Variants in KLHL29 observed in about 807,000 individuals in gnomAD.
The protein encoded by KLHL29 is kelch-like protein 29.
A neutral mutation model predicts 80.4 loss-of-function variants in KLHL29; 21 were observed. The observed-to-expected ratio is 0.26, with a 90% CI of 0.19 to 0.38. The LOEUF (loss-of-function observed/expected upper bound fraction) is 0.38. Among genes scored for constraint, KLHL29 ranks in the 10% least tolerant of loss-of-function variants. The pLI is 1.00. For missense variants in KLHL29, 867 were observed against 1,223.9 expected, an observed-to-expected ratio of 0.71 and a Z score of 4.35; for synonymous variants, 511 against 526.8, an observed-to-expected ratio of 0.97 and a Z score of 0.41.
intron 2 of KLHL29, among the ~76,000 whole-genome samples, chr2:23,531,097 G>A (rs1351170687): frequency 6.6e-6 from 1 of 152,256 alleles, no homozygotes; most frequent in South Asian, 2.1e-4. Flanking sequence ...GAGGTAGAGG[G>A]GGTAAGCTGG....
chr2:23,651,205 A>G (rs1292607222), intron 5 of KLHL29, among the ~76,000 whole-genome samples: 1 of 152,210 alleles, frequency 6.6e-6, no homozygotes, highest in Non-Finnish European at 1.5e-5. Flanking sequence ...AAAAGAATAT[A>G]TGTTTATATT....
At chr2:23,623,056 G>A (rs1303692011) in intron 3 of KLHL29, among the ~76,000 whole-genome samples, 19 of 152,150 alleles carry the variant, frequency 1.2e-4, no homozygotes, top group Non-Finnish European at 1.3e-4. Context: ...GCTTCTGCAC[G>A]GTGACATGAG....
chr2:23,541,799 G>A (rs2103484003), intron 2 of KLHL29, among the ~76,000 whole-genome samples: 1 of 144,076 alleles, frequency 6.9e-6, no homozygotes, highest in South Asian at 2.1e-4. Context: ...TAAAACTGGT[G>A]CTCCCAGTGG....
chr2:23,611,977 C>T (rs76799859), intron 3 of KLHL29, among the ~76,000 whole-genome samples: 18 of 150,494 alleles, frequency 1.2e-4, no homozygotes, highest in Non-Finnish European at 2.5e-4. Context: ...CAAAAAAAGG[C>T]GGGGAGGTGG....
intron 3 of KLHL29, among the ~76,000 whole-genome samples, chr2:23,613,982 A>G (rs1391670245): frequency 6.6e-6 from 1 of 152,154 alleles, no homozygotes; most frequent in Non-Finnish European, 1.5e-5. Flanking sequence ...AAAACAAGCT[A>G]CATACCTCCC....
In KLHL29 at chr2:23,385,181, A is replaced by G. The variant is rs1316627544; in HGVS notation, c.-753A>G. 1 of 147,664 alleles carries G rather than the reference A, an allele frequency of 6.8e-6. No homozygotes were observed. The highest frequency in any genetic ancestry group is 1.5e-5 in the Non-Finnish European group (1 of 66,104). 9.1% of individuals were successfully genotyped at this position (147,664 alleles called of 1,614,324 possible). A position where few individuals can be genotyped will look rare whatever the true frequency, so the allele number is the denominator to read the frequency against. On this transcript the variant is annotated 5_prime_UTR_variant, in exon 1 of 14. Coordinates refer to ENST00000486442, the MANE Select transcript of KLHL29 (RefSeq NM_052920.2). The stretch of plus-strand genomic sequence containing the variant: ...CCCGCCTCCCTCGCAGCTAAAGCAG[A>G]CGGTACCCGGAGCGGAGCGAGCCAG...
At chr2:23,519,662 G>A (rs1440774605) in intron 2 of KLHL29, among the ~76,000 whole-genome samples, 1 of 152,222 alleles carries the variant, frequency 6.6e-6, no homozygotes, top group African/African-American at 2.4e-5. Context: ...GCCTCAGGAA[G>A]TCCTGACGAC....
At chr2:23,470,530 T>C (rs1340887645) in intron 1 of KLHL29, among the ~76,000 whole-genome samples, 1 of 152,226 alleles carries the variant, frequency 6.6e-6, no homozygotes, top group Non-Finnish European at 1.5e-5. Context: ...CATAAATTTG[T>C]TAGAACAGGT....
intron 1 of KLHL29, among the ~76,000 whole-genome samples, chr2:23,418,703 A>C (rs909709557): frequency 6.6e-6 from 1 of 152,184 alleles, no homozygotes; most frequent in Non-Finnish European, 1.5e-5. Context: ...TGCTGGGGCC[A>C]CAGCTTATGA....
chr2:23,544,227 C>T (rs1050059232), intron 2 of KLHL29, among the ~76,000 whole-genome samples: 3 of 152,244 alleles, frequency 2.0e-5, no homozygotes, highest in Non-Finnish European at 4.4e-5. Context: ...GGGATTGCAG[C>T]GTGCTTCATT....
At chr2:23,540,159 G>A (rs899478109) in intron 2 of KLHL29, among the ~76,000 whole-genome samples, 2 of 152,158 alleles carry the variant, frequency 1.3e-5, no homozygotes, top group African/African-American at 2.4e-5. Context: ...CCAGGCTCCC[G>A]TCCTGCAATC....
At chr2:23,452,016 T>C (rs559895734) in intron 1 of KLHL29, among the ~76,000 whole-genome samples, 124 of 151,976 alleles carry the variant, frequency 8.2e-4, no homozygotes, top group African/African-American at 2.8e-3. Flanking sequence ...GCCACTCTTA[T>C]TTTTATTTTT....
rs990505058 is a variant in KLHL29, at chr2:23,539,998, C to T, written c.-45-22154C>T. Among the ~76,000 whole-genome samples the T allele has an allele frequency of 3.9e-5, 6 of 152,186 alleles. No homozygotes were observed. In the South Asian group the frequency reaches 1.2e-3, roughly 32 times the overall value. ...ATCCTCATTTCAGGGAACAGGTGTG[C>T]CGCCCACCAGCCCTGTGAGTTGACT... is the stretch of plus-strand genomic sequence containing the variant. On this transcript the variant is annotated intron_variant, in intron 2 of 13. Transcript: ENST00000486442.
Position 23,684,541 on chromosome 2 carries a change from T to G in KLHL29, c.1079+4T>G. On this transcript the variant is annotated splice_donor_region_variant and intron_variant, in intron 6 of 13. Coordinates refer to ENST00000486442, the MANE Select transcript of KLHL29 (RefSeq NM_052920.2). The surrounding 1 kb of genome is among the most constrained non-coding windows in gnomAD (Gnocchi z 4.4). ...ATTTCAAGGACCTGATTCAAAGGTT[T>G]GCCTTCCTTCCAGCTGTGGTCGGGT... 1 of 1,543,552 alleles carries G rather than the reference T, an allele frequency of 6.5e-7. No homozygotes were observed.
intron 5 of KLHL29, among the ~76,000 whole-genome samples, chr2:23,654,287 A>G (rs115377534): frequency 9.1e-4 from 139 of 152,230 alleles, no homozygotes; most frequent in African/African-American, 3.1e-3. Context: ...AACCTGGCCC[A>G]GTTAGCATCC....
chr2:23,423,899 G>C (rs1197253238), intron 1 of KLHL29, among the ~76,000 whole-genome samples: 1 of 152,192 alleles, frequency 6.6e-6, no homozygotes, highest in Non-Finnish European at 1.5e-5. Context: ...AGGGAGCTTT[G>C]TCACAGGTTG....
At chr2:23,653,576 A>AG (rs1491085805) in intron 5 of KLHL29, among the ~76,000 whole-genome samples, 1 of 152,182 alleles carries the variant, frequency 6.6e-6, no homozygotes, top group African/African-American at 2.4e-5. Flanking sequence ...CACCACTCAC[A>AG]GGGGCCGAGT....
chr2:23,648,221 A>G (rs1018053816), intron 5 of KLHL29, among the ~76,000 whole-genome samples: 3 of 152,068 alleles, frequency 2.0e-5, no homozygotes, highest in Admixed American at 6.5e-5. Context: ...AGGCTCTGGA[A>G]CTCTGCCTCA....
intron 3 of KLHL29, among the ~76,000 whole-genome samples, chr2:23,588,101 A>G (rs531568714): frequency 1.3e-4 from 20 of 152,292 alleles, no homozygotes; most frequent in African/African-American, 4.6e-4. Flanking sequence ...GGTCCCCGCC[A>G]TGCACTTTGG....
Sources: allele counts gnomAD v4.1 joint callset (sites outside exome capture counted in the v4.1 genomes callset), GRCh38; gene constraint gnomAD v4.1.1; non-coding constraint Gnocchi (gnomAD v3.1); transcripts MANE v1.5; gene names NCBI Gene and HGNC (gene_info 2026-07-23, HGNC 2026-07-21).